The following PRKN variants were observed in gnomAD, a reference collection of about 807,000 sequenced individuals.
The protein encoded by PRKN is parkin RBR E3 ubiquitin protein ligase.
Under a neutral mutation model 59.5 loss-of-function variants are expected in PRKN, and 56 were observed. The ratio of observed to expected loss-of-function variants is 0.94; its 90% CI spans 0.76 to 1.18. The LOEUF (loss-of-function observed/expected upper bound fraction) is 1.18, where lower values mean the gene tolerates loss of function less well. Ranked by LOEUF, PRKN falls within the 50% of genes most tolerant of loss-of-function variation. PRKN has a pLI of 0.00. For missense variants in PRKN, 657 were observed against 596.4 expected, an observed-to-expected ratio of 1.10 and a Z score of -1.06; for synonymous variants, 250 against 222.1, an observed-to-expected ratio of 1.13 and a Z score of -1.12.
chr6:161,631,822 T>A (rs1757340219), intron 7 of PRKN, among the ~76,000 whole-genome samples: 1 of 151,968 alleles, frequency 6.6e-6, no homozygotes, highest in African/African-American at 2.4e-5. Context: ...CTCAGGGCTT[T>A]TTATTCATTG....
At chr6:161,823,428 C>T (rs1304986052) in intron 6 of PRKN, among the ~76,000 whole-genome samples, 1 of 152,092 alleles carries the variant, frequency 6.6e-6, no homozygotes, top group African/African-American at 2.4e-5. Context: ...GGGCTGGGTA[C>T]ACTGCAGACA....
chr6:162,115,593 C>T (rs1411765280), intron 4 of PRKN, among the ~76,000 whole-genome samples: 1 of 151,522 alleles, frequency 6.6e-6, no homozygotes, highest in Non-Finnish European at 1.5e-5. Context: ...AAAATATTTC[C>T]CAAGTGTTAT....
At chr6:162,461,534 A>AAAAAG (rs970993875) in intron 1 of PRKN, among the ~76,000 whole-genome samples, 2 of 147,832 alleles carry the variant, frequency 1.4e-5, no homozygotes, top group Admixed American at 6.8e-5. Flanking sequence ...AAAAAGAAAG[A>AAAAAG]AAAAGAAAAG....
chr6:161,906,813 C>G (rs1778167785), intron 6 of PRKN, among the ~76,000 whole-genome samples: 2 of 151,792 alleles, frequency 1.3e-5, no homozygotes, highest in African/African-American at 4.8e-5. Context: ...GTCCAAAAGC[C>G]CCGAAGCTGA....
intron 7 of PRKN, among the ~76,000 whole-genome samples, chr6:161,748,291 TGAA>T (rs1183448464): frequency 6.6e-6 from 1 of 151,844 alleles, no homozygotes; most frequent in Non-Finnish European, 1.5e-5. Context: ...ATCAGGTGAG[TGAA>T]GGAGACACGT....
chr6:162,593,319 G>A (rs1781379611), intron 1 of PRKN, among the ~76,000 whole-genome samples: 3 of 152,154 alleles, frequency 2.0e-5, no homozygotes, highest in Admixed American at 1.3e-4. Context: ...GAAATAAACT[G>A]ATCATATGCA....
At chr6:161,636,392 C>T (rs1287727596) in intron 7 of PRKN, among the ~76,000 whole-genome samples, 1 of 152,230 alleles carries the variant, frequency 6.6e-6, no homozygotes, top group African/African-American at 2.4e-5. Flanking sequence ...CTGTCCATTC[C>T]GGAGACACTG....
At chr6:161,496,357 G>GT (rs1297349776) in intron 9 of PRKN, among the ~76,000 whole-genome samples, 1 of 152,186 alleles carries the variant, frequency 6.6e-6, no homozygotes, top group Non-Finnish European at 1.5e-5. Flanking sequence ...ATTAGTCAAG[G>GT]TAAGGTGTAT....
At chr6:161,866,686 C>A (rs1338354236) in intron 6 of PRKN, among the ~76,000 whole-genome samples, 1 of 152,142 alleles carries the variant, frequency 6.6e-6, no homozygotes, top group South Asian at 2.1e-4. Context: ...AGGGTTGCCA[C>A]AAACCTTCAA....
chr6:161,833,655 C>T (rs563781583), intron 6 of PRKN, among the ~76,000 whole-genome samples: 4 of 152,158 alleles, frequency 2.6e-5, no homozygotes, highest in South Asian at 2.1e-4. Context: ...GTGAGCAGAT[C>T]GGGGTTGGAG....
chr6:162,009,869 G>A (rs192202947), intron 5 of PRKN, among the ~76,000 whole-genome samples: 55 of 151,816 alleles, frequency 3.6e-4, no homozygotes, highest in Non-Finnish European at 6.5e-4. Flanking sequence ...CTCAGAGGTG[G>A]AGGTTGCAGT....
At chr6:161,786,051 T>C (rs919890349) in intron 6 of PRKN, 143 bp from the exon 7 acceptor site, 1 of 782,974 alleles carries the variant, frequency 1.3e-6, no homozygotes. Flanking sequence ...ATTAAGCTCA[T>C]GTATACCAAC....
At chr6:162,366,075 A>C (rs1785422485) in intron 2 of PRKN, among the ~76,000 whole-genome samples, 1 of 152,228 alleles carries the variant, frequency 6.6e-6, no homozygotes, top group African/African-American at 2.4e-5. Flanking sequence ...AAAAAGCTTT[A>C]ATGGCAATTT....
intron 1 of PRKN, among the ~76,000 whole-genome samples, chr6:162,565,387 T>C (rs975040536): frequency 1.3e-5 from 2 of 152,106 alleles, no homozygotes; most frequent in South Asian, 2.1e-4. Context: ...TCCTTACTTA[T>C]AAATAATAAC....
In PRKN at chr6:162,558,637, CT is replaced by C. The variant is rs1194621441; in HGVS notation, c.8-115165del. Among the ~76,000 whole-genome samples the C allele has an allele frequency of 8.5e-4, 122 of 143,720 alleles. 1 individual carries two copies. The highest frequency in any genetic ancestry group is 3.8e-3 in the Middle Eastern group (1 of 266). The allele number at this position is 143,720 out of a possible 152,430, so 94.3% of individuals were successfully genotyped here. ...AGCCACTGTGCCCAGCAATTTTCTA[CT>C]TTTTTTTTTTTAATTTCTTAGATGG... is the stretch of plus-strand genomic sequence containing the variant. On this transcript the variant is annotated intron_variant, in intron 1 of 11. Coordinates refer to ENST00000366898, the MANE Select transcript of PRKN (RefSeq NM_004562.3).
chr6:162,001,774 C>T (rs912482166), intron 5 of PRKN, among the ~76,000 whole-genome samples: 2 of 151,478 alleles, frequency 1.3e-5, no homozygotes, highest in South Asian at 2.1e-4. Flanking sequence ...GAGTATGATG[C>T]CCACTGTAGG....
Position 161,386,859 on chromosome 6 carries a change from A to G in PRKN, c.1102T>C (p.Cys368Arg). 19 of 1,614,106 alleles carry G rather than the reference A, an allele frequency of 1.2e-5. No homozygotes were observed. Among genetic ancestry groups the G allele is most frequent in the Non-Finnish European group, 1.6e-5 (19 of 1,179,988 alleles). The change falls in exon 10 of 12, where the codon TGT becomes CGT. Residue 368 changes from cysteine (C) to arginine (R), a missense_variant. Cys to Arg is a radical substitution (Grantham distance 180). Coordinates refer to ENST00000366898, the MANE Select transcript of PRKN (RefSeq NM_004562.3). This position sits in a 1 kb window ranked among gnomAD's most constrained non-coding sequence, Gnocchi z 4.3. ...LGCGFAFCRE[C>R]KEAYHEGECS... ...TCCCCTTCATGGTACGCTTCTTTAC[A>G]TTCCCGGCAGAAGGCAAACTGCAAA...
intron 9 of PRKN, among the ~76,000 whole-genome samples, chr6:161,472,399 A>G (rs751271571): frequency 1.3e-5 from 2 of 152,180 alleles, no homozygotes; most frequent in African/African-American, 2.4e-5. Flanking sequence ...AGAAGACACA[A>G]TGGTATCTGG....
At chr6:161,808,023 G>A (rs571421692) in intron 6 of PRKN, among the ~76,000 whole-genome samples, 2 of 152,104 alleles carry the variant, frequency 1.3e-5, no homozygotes, top group Non-Finnish European at 2.9e-5. Flanking sequence ...CCTGTATTGT[G>A]CGATCTTGAA....
Sources: gnomAD v4.1 joint callset for allele counts (sites outside exome capture counted in the v4.1 genomes callset) on GRCh38, gnomAD v4.1.1 for gene constraint, Gnocchi (gnomAD v3.1) non-coding constraint, MANE v1.5 for transcripts, NCBI Gene and HGNC (gene_info 2026-07-23, HGNC 2026-07-21) for gene names.